Variants in SPAG16 observed in about 807,000 individuals in gnomAD.
SPAG16 encodes sperm associated antigen 16.
Under a neutral mutation model 80.4 loss-of-function variants are expected in SPAG16, and 86 were observed. That is an observed-to-expected ratio of 1.07 (90% confidence interval 0.90 to 1.28). The LOEUF (loss-of-function observed/expected upper bound fraction) is 1.28, where lower values mean the gene tolerates loss of function less well. Among genes scored for constraint, SPAG16 ranks in the 50% most tolerant of loss-of-function variants. The pLI, the probability that SPAG16 is intolerant of heterozygous loss-of-function variation, is 0.00. For missense variants in SPAG16, 870 were observed against 765.3 expected, an observed-to-expected ratio of 1.14 and a Z score of -1.61; for synonymous variants, 294 against 265.9, an observed-to-expected ratio of 1.11 and a Z score of -1.03.
intron 15 of SPAG16, among the ~76,000 whole-genome samples, chr2:214,361,883 T>C (rs1174897928): frequency 6.6e-6 from 1 of 151,936 alleles, no homozygotes; most frequent in East Asian, 1.9e-4. Flanking sequence ...AATTGCGTTA[T>C]GTTATTCTTA....
At chr2:213,693,192 C>T (rs944895744) in intron 10 of SPAG16, among the ~76,000 whole-genome samples, 2 of 152,160 alleles carry the variant, frequency 1.3e-5, no homozygotes, top group African/African-American at 4.8e-5. Flanking sequence ...TCTGATTGGG[C>T]AATTTATCAG....
At position 213,450,636 on chromosome 2, in the gene SPAG16, G is replaced by A. The variant is rs569398277; in HGVS notation, c.943-39327G>A. ...CTATTTTTTGGAAGTATAATAAATT[G>A]CTTTATGTATACTTCAGTGGCTTTA... On this transcript the variant is annotated intron_variant, in intron 9 of 15. Transcript: ENST00000331683. Among the ~76,000 whole-genome samples the A allele has an allele frequency of 3.3e-5, 5 of 152,172 alleles. No homozygotes were observed. In the East Asian group the frequency reaches 9.6e-4, roughly 29 times the overall value.
chr2:214,013,921 T>TC (rs762211393), intron 12 of SPAG16, 30 bp from the exon 13 acceptor site: 7 of 1,606,904 alleles, frequency 4.4e-6, no homozygotes, highest in Non-Finnish European at 6.0e-6. Flanking sequence ...AGATACTAAC[T>TC]CCTAAAATTC....
intron 12 of SPAG16, among the ~76,000 whole-genome samples, chr2:213,970,731 A>G (rs1017692807): frequency 2.0e-5 from 3 of 152,238 alleles, no homozygotes; most frequent in African/African-American, 7.2e-5. Flanking sequence ...CCTTCCAAGG[A>G]TATGCATGAA....
chr2:214,064,032 A>G (rs1003704393), intron 13 of SPAG16, among the ~76,000 whole-genome samples: 4 of 152,166 alleles, frequency 2.6e-5, no homozygotes, highest in Non-Finnish European at 5.9e-5. Context: ...CCAACAACCT[A>G]GAGTCATGTA....
chr2:213,655,844 T>A (rs1032099829), intron 10 of SPAG16, among the ~76,000 whole-genome samples: 1 of 152,258 alleles, frequency 6.6e-6, no homozygotes, highest in East Asian at 1.9e-4. Context: ...GCATTGCAGC[T>A]AAGTTCCAAT....
intron 15 of SPAG16, among the ~76,000 whole-genome samples, chr2:214,214,821 A>G (rs529044368): frequency 6.6e-6 from 1 of 151,866 alleles, no homozygotes; most frequent in Admixed American, 6.6e-5. Flanking sequence ...TTTACCAGAA[A>G]TGCTTACATA....
chr2:213,748,203 A>G (rs1430855559), intron 10 of SPAG16, among the ~76,000 whole-genome samples: 2 of 152,214 alleles, frequency 1.3e-5, no homozygotes, highest in African/African-American at 2.4e-5. Flanking sequence ...CGAAAAATAG[A>G]GTTGTTTTCC....
intron 10 of SPAG16, among the ~76,000 whole-genome samples, chr2:213,818,823 C>T (rs564165563): frequency 6.6e-6 from 1 of 152,156 alleles, no homozygotes; most frequent in Admixed American, 6.6e-5. Context: ...GTGGCAGTTT[C>T]CCCTGTGCTC....
chr2:213,721,568 T>G (rs2066537098), intron 10 of SPAG16, among the ~76,000 whole-genome samples: 1 of 152,252 alleles, frequency 6.6e-6, no homozygotes. Flanking sequence ...CTTAATCATA[T>G]GATACCACTT....
chr2:213,339,965 C>T (rs1280971973), intron 5 of SPAG16, among the ~76,000 whole-genome samples, 198 bp from the exon 6 acceptor site: 1 of 152,044 alleles, frequency 6.6e-6, no homozygotes, highest in Non-Finnish European at 1.5e-5. Flanking sequence ...ACAGGTTTTG[C>T]CCTTTCATCC....
chr2:214,350,274 T>C (rs970615397), intron 15 of SPAG16, among the ~76,000 whole-genome samples: 2 of 152,250 alleles, frequency 1.3e-5, no homozygotes, highest in African/African-American at 4.8e-5. Context: ...TCATTCTCTC[T>C]TTCCTCTCTT....
At chr2:213,561,417 G>A (rs186866551) in intron 10 of SPAG16, among the ~76,000 whole-genome samples, 1 of 152,198 alleles carries the variant, frequency 6.6e-6, no homozygotes, top group African/African-American at 2.4e-5. Context: ...ATAACTAAGA[G>A]TATATTGGAA....
At chr2:213,716,794 G>A (rs990189018) in intron 10 of SPAG16, among the ~76,000 whole-genome samples, 1 of 152,082 alleles carries the variant, frequency 6.6e-6, no homozygotes, top group Non-Finnish European at 1.5e-5. Flanking sequence ...CTATCGGTAG[G>A]ACCTGGAGTT....
intron 11 of SPAG16, among the ~76,000 whole-genome samples, chr2:213,881,819 A>T (rs2076355856): frequency 6.6e-6 from 1 of 152,200 alleles, no homozygotes; most frequent in South Asian, 2.1e-4. Context: ...ACAAAGCCTA[A>T]CTATATCAGA....
intron 10 of SPAG16, among the ~76,000 whole-genome samples, chr2:213,664,406 G>A (rs1282291419): frequency 6.6e-6 from 1 of 152,022 alleles, no homozygotes; most frequent in African/African-American, 2.4e-5. Context: ...TTTAAACAAG[G>A]ACACTGTTGA....
intron 9 of SPAG16, among the ~76,000 whole-genome samples, chr2:213,397,704 T>C (rs1040579758): frequency 6.6e-6 from 1 of 152,162 alleles, no homozygotes; most frequent in African/African-American, 2.4e-5. Context: ...GTAACTGCTA[T>C]AATTTTTCAT....
intron 10 of SPAG16, among the ~76,000 whole-genome samples, chr2:213,754,997 G>T (rs1020039785): frequency 1.3e-5 from 2 of 152,120 alleles, no homozygotes; most frequent in African/African-American, 4.8e-5. Context: ...TTCCATTATT[G>T]AATCTCTAAA....
chr2:213,760,027 T>G (rs921929205), intron 10 of SPAG16, among the ~76,000 whole-genome samples: 4 of 151,306 alleles, frequency 2.6e-5, no homozygotes, highest in Non-Finnish European at 4.4e-5. Flanking sequence ...AAAGCAAGAC[T>G]CTGTCTCAAA....
Sources: allele counts gnomAD v4.1 joint callset (sites outside exome capture counted in the v4.1 genomes callset), GRCh38; gene constraint gnomAD v4.1.1; transcripts MANE v1.5; gene names NCBI Gene and HGNC (gene_info 2026-07-23, HGNC 2026-07-21).